RSRC1: variants seen among roughly 807,000 people sequenced by gnomAD.
RSRC1 encodes arginine and serine rich coiled-coil 1.
Under a neutral mutation model 49.1 loss-of-function variants are expected in RSRC1, and 39 were observed. The ratio of observed to expected loss-of-function variants is 0.79; its 90% CI spans 0.61 to 1.04. The LOEUF is 1.04. Among genes scored for constraint, RSRC1 ranks in the 50% least tolerant of loss-of-function variants. The probability of loss-of-function intolerance (pLI) is 0.00; values close to 1 mark genes in which losing one functional copy is unlikely to be tolerated. For missense variants in RSRC1, 388 were observed against 402.4 expected, an observed-to-expected ratio of 0.96 and a Z score of 0.31; for synonymous variants, 143 against 130.8, an observed-to-expected ratio of 1.09 and a Z score of -0.63.
intron 4 of RSRC1, among the ~76,000 whole-genome samples, chr3:158,273,393 T>C (rs951782355): frequency 4.6e-5 from 7 of 152,104 alleles, no homozygotes; most frequent in African/African-American, 1.7e-4. Flanking sequence ...AAGCTAAATA[T>C]CTTTTATTTG....
chr3:158,137,886 T>A (rs570419596), intron 3 of RSRC1, among the ~76,000 whole-genome samples: 28 of 152,196 alleles, frequency 1.8e-4, no homozygotes, highest in South Asian at 6.2e-4. Flanking sequence ...ATTCCTGACC[T>A]CCTGATCTGA....
intron 6 of RSRC1, among the ~76,000 whole-genome samples, chr3:158,387,238 G>A (rs1016820157): frequency 2.0e-5 from 3 of 152,058 alleles, no homozygotes; most frequent in Admixed American, 6.5e-5. Flanking sequence ...ATTCAGTCAC[G>A]TTTAATTATA....
chr3:158,492,426 T>G (rs1739123504), intron 7 of RSRC1, among the ~76,000 whole-genome samples: 1 of 152,238 alleles, frequency 6.6e-6, no homozygotes, highest in Non-Finnish European at 1.5e-5. Flanking sequence ...TTAGACAATT[T>G]TGAACAAATC....
intron 4 of RSRC1, among the ~76,000 whole-genome samples, chr3:158,279,490 G>A (rs1370864455): frequency 2.6e-5 from 4 of 152,236 alleles, no homozygotes; most frequent in African/African-American, 7.2e-5. Context: ...CCTATGGGCC[G>A]TAGTTTACTG....
Position 158,493,879 on chromosome 3 carries a change from A to G in RSRC1, c.652+32876A>G, listed in dbSNP as rs903375773. 1.1e-4 allele frequency among the ~76,000 whole-genome samples: 17 copies of G among 152,198 alleles called. 1 individual carries two copies. Among genetic ancestry groups the G allele is most frequent in the Admixed American group, 1.1e-3 (17 of 15,272 alleles). On this transcript the variant is annotated intron_variant, in intron 7 of 9. Transcript: ENST00000611884. ...CTACTAAATTAGGTTCCAGTTAGTT[A>G]CATAAGGACTCGAGTATGGAGGCAT...
intron 4 of RSRC1, among the ~76,000 whole-genome samples, chr3:158,280,069 T>A (rs1211948095): frequency 6.6e-6 from 1 of 152,180 alleles, no homozygotes; most frequent in African/African-American, 2.4e-5. Flanking sequence ...TCACAGAGAA[T>A]AATCTTTTTA....
intron 4 of RSRC1, among the ~76,000 whole-genome samples, chr3:158,287,980 C>G (rs1726676728): frequency 6.6e-6 from 1 of 152,168 alleles, no homozygotes; most frequent in Admixed American, 6.5e-5. Flanking sequence ...CCAGGATATA[C>G]TGTTTGGCCG....
At chr3:158,461,082 A>C in intron 7 of RSRC1, 79 bp downstream of exon 7, 1 of 1,000,364 alleles carries the variant, frequency 1.0e-6, no homozygotes. Context: ...ATATAATCTA[A>C]TGCCTTAAGG....
chr3:158,246,654 G>A (rs900287334), intron 4 of RSRC1, among the ~76,000 whole-genome samples: 7 of 152,074 alleles, frequency 4.6e-5, no homozygotes, highest in African/African-American at 7.2e-5. Flanking sequence ...TAGTTTGGTC[G>A]GATATGAAAT....
rs2292914 is a variant in RSRC1 at position 158,419,150 on chromosome 3, A to C, written c.584-41785A>C. Among the ~76,000 whole-genome samples, 209 of 152,110 alleles carry C rather than the reference A, an allele frequency of 1.4e-3. 1 individual carries two copies. The East Asian group carries it at 0.035, about 25-fold the overall frequency. On this transcript the variant is annotated intron_variant, in intron 6 of 9. Transcript: ENST00000611884. Reference sequence around the variant, plus strand: ...AATTATGTCAATTATGTTTCTGCCAAATTTTAGCAATTGTTAGAGTGTAAG... The same window carrying C: ...AATTATGTCAATTATGTTTCTGCCACATTTTAGCAATTGTTAGAGTGTAAG...
At chr3:158,294,245 AC>A (rs763829118) in intron 4 of RSRC1, among the ~76,000 whole-genome samples, 1 of 151,850 alleles carries the variant, frequency 6.6e-6, no homozygotes, top group Non-Finnish European at 1.5e-5. Flanking sequence ...TAGTTCTTCT[AC>A]CCAGTTTTCC....
intron 7 of RSRC1, among the ~76,000 whole-genome samples, chr3:158,535,959 G>A (rs1042047154): frequency 2.6e-5 from 4 of 151,302 alleles, no homozygotes; most frequent in African/African-American, 9.7e-5. Context: ...TGATAAATGT[G>A]GGAAGAATGA....
intron 6 of RSRC1, among the ~76,000 whole-genome samples, chr3:158,383,645 G>C (rs1000060240): frequency 6.6e-6 from 1 of 152,260 alleles, no homozygotes. Context: ...CACCAACTAT[G>C]ATGGGGAGGG....
intron 8 of RSRC1, among the ~76,000 whole-genome samples, chr3:158,543,114 A>G (rs919974256): frequency 2.0e-5 from 3 of 152,146 alleles, no homozygotes; most frequent in African/African-American, 7.2e-5. Flanking sequence ...CTATATATCT[A>G]TAACTATATT....
chr3:158,384,897 G>A (rs1327265490), intron 6 of RSRC1, among the ~76,000 whole-genome samples: 2 of 152,056 alleles, frequency 1.3e-5, no homozygotes, highest in African/African-American at 4.8e-5. Context: ...CAAAGAGTGG[G>A]CCAGAAAGAG....
intron 6 of RSRC1, among the ~76,000 whole-genome samples, chr3:158,418,946 C>T (rs1372691931): frequency 1.3e-5 from 2 of 151,866 alleles, no homozygotes; most frequent in Non-Finnish European, 1.5e-5. Flanking sequence ...AACTATTCAA[C>T]GCTTCTGTTC....
chr3:158,190,726 T>C (rs1171915958), intron 3 of RSRC1, among the ~76,000 whole-genome samples: 7 of 151,818 alleles, frequency 4.6e-5, no homozygotes, highest in Non-Finnish European at 1.5e-5. Context: ...ATTTACATTT[T>C]TTGAAAAATT....
chr3:158,172,105 G>A (rs1718915017), intron 3 of RSRC1, among the ~76,000 whole-genome samples: 2 of 152,102 alleles, frequency 1.3e-5, no homozygotes. Context: ...TGTGTAATTA[G>A]AGTTTCAGAA....
chr3:158,139,779 G>A (rs1452734721), intron 3 of RSRC1, among the ~76,000 whole-genome samples: 2 of 151,900 alleles, frequency 1.3e-5, no homozygotes, highest in Non-Finnish European at 2.9e-5. Flanking sequence ...GATGACAGGC[G>A]TGTGCCACCA....
Sources: gnomAD v4.1 joint callset for allele counts (sites outside exome capture counted in the v4.1 genomes callset) on GRCh38, gnomAD v4.1.1 for gene constraint, MANE v1.5 for transcripts, NCBI Gene and HGNC (gene_info 2026-07-23, HGNC 2026-07-21) for gene names.